SGCD: variants seen among roughly 807,000 people sequenced by gnomAD.
The protein encoded by SGCD is sarcoglycan delta.
In SGCD, 18 loss-of-function variants were observed where a neutral mutation model predicts 36.6. The observed-to-expected ratio is 0.49, with a 90% CI of 0.34 to 0.73. The LOEUF (loss-of-function observed/expected upper bound fraction) is 0.73. Ranked by LOEUF, SGCD falls within the 30% of genes least tolerant of loss-of-function variation. The pLI, the probability that SGCD is intolerant of heterozygous loss-of-function variation, is 0.01. For synonymous variants in SGCD, 133 were observed against 130.6 expected, an observed-to-expected ratio of 1.02 and a Z score of -0.12; for missense variants, 387 against 346.7, an observed-to-expected ratio of 1.12 and a Z score of -0.92.
the SGCD span, among the ~76,000 whole-genome samples, chr5:155,779,685 C>T: frequency 1.3e-5 from 2 of 152,056 alleles, no homozygotes; most frequent in Admixed American, 6.6e-5. Context: ...ATGTTAGCCT[C>T]CTGGGCCATA....
chr5:155,977,897 C>T (rs1357965385), intron 1 of SGCD, among the ~76,000 whole-genome samples: 1 of 152,026 alleles, frequency 6.6e-6, no homozygotes, highest in Non-Finnish European at 1.5e-5. Context: ...AGATGGAGAC[C>T]ATCCTAGCTA....
chr5:156,179,537 G>T (rs1356827368), intron 3 of SGCD, among the ~76,000 whole-genome samples: 3 of 151,602 alleles, frequency 2.0e-5, no homozygotes, highest in Non-Finnish European at 4.4e-5. Flanking sequence ...AGCTTTCAAT[G>T]CATATTCACA....
At chr5:156,488,098 G>GTTTTTT (rs559483068) in intron 3 of SGCD, among the ~76,000 whole-genome samples, 1 of 92,520 alleles carries the variant, frequency 1.1e-5, no homozygotes, top group East Asian at 3.1e-4. Flanking sequence ...TTGAAGACAG[G>GTTTTTT]TTTTTTTTTT....
chr5:156,516,630 T>C (rs889015543), intron 4 of SGCD, among the ~76,000 whole-genome samples: 2 of 152,204 alleles, frequency 1.3e-5, no homozygotes, highest in African/African-American at 4.8e-5. Flanking sequence ...TTGCAGCACC[T>C]TTCTAGCAAG....
chr5:156,583,106 T>C (rs757415955), intron 4 of SGCD, among the ~76,000 whole-genome samples: 22 of 152,132 alleles, frequency 1.4e-4, no homozygotes, highest in African/African-American at 4.6e-4. Context: ...ATTATGAACA[T>C]TTTCATAAAG....
intron 6 of SGCD, among the ~76,000 whole-genome samples, chr5:156,614,968 G>A (rs924230688): frequency 1.3e-5 from 2 of 152,086 alleles, no homozygotes; most frequent in African/African-American, 2.4e-5. Context: ...TGCCACCCCC[G>A]GTTTTTCCAT....
At chr5:156,344,057 C>A (rs967554129) in intron 2 of SGCD, among the ~76,000 whole-genome samples, 3 of 152,076 alleles carry the variant, frequency 2.0e-5, no homozygotes, top group African/African-American at 7.2e-5. Flanking sequence ...AACCACCCCC[C>A]CAAATAAATT....
chr5:156,116,070 T>A (rs1012951734), intron 1 of SGCD, among the ~76,000 whole-genome samples: 23 of 152,172 alleles, frequency 1.5e-4, no homozygotes, highest in Non-Finnish European at 2.2e-4. Flanking sequence ...TTTATTATTT[T>A]GTCCTCATTT....
chr5:156,002,217 T>C (rs1758678299), intron 1 of SGCD, among the ~76,000 whole-genome samples: 1 of 152,018 alleles, frequency 6.6e-6, no homozygotes, highest in Non-Finnish European at 1.5e-5. Flanking sequence ...TATAAGAAGA[T>C]GAGATTAGGA....
chr5:155,859,113 G>C, the SGCD span, among the ~76,000 whole-genome samples: 1 of 151,756 alleles, frequency 6.6e-6, no homozygotes, highest in Non-Finnish European at 1.5e-5. Context: ...CCAGGCTGGA[G>C]TGCAGTGGCA....
intron 1 of SGCD, among the ~76,000 whole-genome samples, chr5:155,912,777 C>T (rs920894238): frequency 6.6e-6 from 1 of 151,966 alleles, no homozygotes; most frequent in Admixed American, 6.6e-5. Flanking sequence ...TCTTTCTAAT[C>T]AGTGTCTTTC....
chr5:156,073,586 C>G (rs74569163), intron 1 of SGCD, among the ~76,000 whole-genome samples: 2,466 of 152,234 alleles, frequency 0.016, 62 homozygotes, highest in African/African-American at 0.055. Context: ...AAATATGTCA[C>G]ACTATCTCAT....
At chr5:156,181,919 G>A (rs534253756) in intron 3 of SGCD, among the ~76,000 whole-genome samples, 3 of 152,326 alleles carry the variant, frequency 2.0e-5, no homozygotes, top group East Asian at 3.9e-4. Context: ...GACTGAGCAT[G>A]TCATATGTAA....
intron 1 of SGCD, among the ~76,000 whole-genome samples, chr5:156,028,938 G>A (rs1219340771): frequency 6.6e-6 from 1 of 152,142 alleles, no homozygotes; most frequent in East Asian, 1.9e-4. Context: ...TCTGCTGCTT[G>A]TTTAATACAC....
chr5:156,572,596 T>C (rs1759767555), intron 4 of SGCD, among the ~76,000 whole-genome samples: 1 of 152,132 alleles, frequency 6.6e-6, no homozygotes, highest in South Asian at 2.1e-4. Context: ...AAGTCTTTTA[T>C]CAATTCTGGC....
intron 4 of SGCD, among the ~76,000 whole-genome samples, chr5:156,570,851 T>C (rs1759689742): frequency 6.6e-6 from 1 of 152,196 alleles, no homozygotes. Context: ...AGCTTTCTCT[T>C]AGTAAGACTT....
At chr5:156,398,835 A>G (rs941005330) in intron 3 of SGCD, among the ~76,000 whole-genome samples, 1 of 152,090 alleles carries the variant, frequency 6.6e-6, no homozygotes, top group African/African-American at 2.4e-5. Context: ...CTTGGATCCT[A>G]TACCTCTTTG....
At chr5:156,057,607 C>A (rs1760093392) in intron 1 of SGCD, among the ~76,000 whole-genome samples, 1 of 145,850 alleles carries the variant, frequency 6.9e-6, no homozygotes, top group Non-Finnish European at 1.5e-5. Flanking sequence ...AATTTCTGAC[C>A]CAGGTCTGAG....
At chr5:156,636,802 C>A (rs1762840520) in intron 6 of SGCD, among the ~76,000 whole-genome samples, 1 of 152,142 alleles carries the variant, frequency 6.6e-6, no homozygotes, top group African/African-American at 2.4e-5. Flanking sequence ...GGTCAACTGG[C>A]TTACTACTGC....
Sources: allele counts gnomAD v4.1 joint callset (sites outside exome capture counted in the v4.1 genomes callset), GRCh38; gene constraint gnomAD v4.1.1; transcripts MANE v1.5; gene names NCBI Gene and HGNC (gene_info 2026-07-23, HGNC 2026-07-21).